The following DNAJC6 variants were observed in gnomAD, a reference collection of about 807,000 sequenced individuals.
DNAJC6 encodes the protein DnaJ heat shock protein family (Hsp40) member C6.
Under a neutral mutation model 110.0 loss-of-function variants are expected in DNAJC6, and 34 were observed. The observed-to-expected ratio is 0.31, with a 90% confidence interval of 0.24 to 0.41. The LOEUF (loss-of-function observed/expected upper bound fraction) is 0.41. Among genes scored for constraint, DNAJC6 ranks in the 10% least tolerant of loss-of-function variants. The probability of loss-of-function intolerance (pLI) is 1.00; values close to 1 mark genes in which losing one functional copy is unlikely to be tolerated. For missense variants in DNAJC6, 1,031 were observed against 1,207.8 expected (o/e 0.85, Z 2.17); for synonymous variants, 406 against 437.2 (o/e 0.93, Z 0.89).
At chr1:65,307,018 CTATATATATA>C (rs71056097), upstream of DNAJC6, among the ~76,000 whole-genome samples, 2 of 70,702 alleles carry the variant, frequency 2.8e-5, no homozygotes, top group African/African-American at 5.3e-5. Flanking sequence ...CTCTCTCTCT[CTATATATATA>C]TATATATATA....
chr1:65,411,181 A>G (rs1646125455), intron 17 of DNAJC6, 69 bp from the exon 18 acceptor site: 6 of 1,488,988 alleles, frequency 4.0e-6, no homozygotes. Context: ...GGGTTTCTAG[A>G]GTCCTAGTGG....
chr1:65,375,669 G>A (rs907406331), intron 4 of DNAJC6, among the ~76,000 whole-genome samples: 6 of 152,026 alleles, frequency 3.9e-5, no homozygotes, highest in South Asian at 2.1e-4. Context: ...CTCGTGATCC[G>A]CCTGCCTCAG....
chr1:65,317,333 G>A (rs181321388), intron 1 of DNAJC6, among the ~76,000 whole-genome samples: 2 of 152,336 alleles, frequency 1.3e-5, no homozygotes, highest in Admixed American at 6.5e-5. Context: ...GAGTAGCTCA[G>A]TATCTGAGGA....
chr1:65,340,478 A>T (rs1432976803), intron 1 of DNAJC6, among the ~76,000 whole-genome samples: 6 of 152,188 alleles, frequency 3.9e-5, no homozygotes, highest in African/African-American at 1.4e-4. Context: ...TACTCTGTCA[A>T]AAAGAGGTAA....
intron 4 of DNAJC6, among the ~76,000 whole-genome samples, chr1:65,367,858 A>G (rs1477647578): frequency 7.1e-6 from 1 of 140,716 alleles, no homozygotes; most frequent in African/African-American, 2.8e-5. Context: ...TACTTGCCCT[A>G]GAAGAGGAGG....
chr1:65,322,193 C>T (rs545679317), intron 1 of DNAJC6, among the ~76,000 whole-genome samples: 3 of 152,130 alleles, frequency 2.0e-5, no homozygotes, highest in Non-Finnish European at 4.4e-5. Flanking sequence ...TGCATGAAAG[C>T]CAGGCCTCTT....
intron 4 of DNAJC6, among the ~76,000 whole-genome samples, chr1:65,371,161 T>C (rs1267538609): frequency 6.6e-6 from 1 of 152,232 alleles, no homozygotes; most frequent in African/African-American, 2.4e-5. Context: ...GTTATTGTTA[T>C]CAGTCATCAG....
At position 65,415,449 on chromosome 1, in the gene DNAJC6, A is replaced by AC. The variant is rs147509741; in HGVS notation, c.*2424_*2425insC. ...ATTTATACGTAATCACTCCTGCCCC[A>AC]ACACACACACACACACACACACACA... On this transcript the variant is annotated 3_prime_UTR_variant, in exon 19 of 19. Transcript: ENST00000371069. 6.9e-6 allele frequency: 1 copy of AC among 144,420 alleles called. No homozygotes were observed. The highest frequency in any genetic ancestry group is 2.2e-4 in the South Asian group (1 of 4,494). The allele number at this position is 144,420 out of a possible 1,614,324, so 8.9% of individuals were successfully genotyped here.
At chr1:65,324,853 A>G (rs1413904373) in intron 1 of DNAJC6, among the ~76,000 whole-genome samples, 4 of 152,220 alleles carry the variant, frequency 2.6e-5, no homozygotes, top group African/African-American at 9.6e-5. Context: ...AACATGCTAC[A>G]GTGTACAAAA....
At chr1:65,311,221 T>TTG (rs1645097075) in intron 1 of DNAJC6, among the ~76,000 whole-genome samples, 1 of 130,676 alleles carries the variant, frequency 7.7e-6, no homozygotes, top group Non-Finnish European at 1.6e-5. Flanking sequence ...GACTGTTTTT[T>TTG]TTTTTTTTTT....
At chr1:65,320,059 A>G (rs1645184107) in intron 1 of DNAJC6, among the ~76,000 whole-genome samples, 1 of 152,176 alleles carries the variant, frequency 6.6e-6, no homozygotes, top group Non-Finnish European at 1.5e-5. Context: ...TGTGGCTCAA[A>G]AGGTGTGAAG....
intron 4 of DNAJC6, among the ~76,000 whole-genome samples, chr1:65,373,532 A>T (rs1436129343): frequency 1.3e-5 from 2 of 151,972 alleles, no homozygotes; most frequent in Non-Finnish European, 2.9e-5. Context: ...CTGATTAGTG[A>T]TGTTGGACAT....
chr1:65,306,758 A>G (rs1472283273), upstream of DNAJC6, among the ~76,000 whole-genome samples: 2 of 151,768 alleles, frequency 1.3e-5, no homozygotes, highest in Non-Finnish European at 1.5e-5. Flanking sequence ...GTGTTTGACC[A>G]GTGCCACCTC....
chr1:65,382,511 G>GT (rs2101594809), intron 5 of DNAJC6, among the ~76,000 whole-genome samples: 1 of 152,270 alleles, frequency 6.6e-6, no homozygotes, highest in Admixed American at 6.5e-5. Flanking sequence ...GTTCTTGTAG[G>GT]TTGGTCACTT....
chr1:65,298,609 C>T (rs536483855), intron 1 of DNAJC6: 6 of 151,426 alleles, frequency 4.0e-5, no homozygotes, highest in Admixed American at 6.6e-5. Flanking sequence ...TTTTTTTAAC[C>T]GTTCAAAGTG....
intron 6 of DNAJC6, among the ~76,000 whole-genome samples, chr1:65,385,360 T>C (rs77560923): frequency 0.012 from 1,836 of 152,260 alleles, 7 homozygotes; most frequent in African/African-American, 0.042. Context: ...AAAGTGCTTC[T>C]GATGATAAAA....
chr1:65,364,580 G>A (rs983302144), intron 1 of DNAJC6, 55 bp from the exon 2 acceptor site: 80 of 1,559,586 alleles, frequency 5.1e-5, no homozygotes, highest in South Asian at 9.5e-5. Context: ...TTGGTTTTCC[G>A]TGGATTCTCT....
At chr1:65,393,164 T>G (rs1340640422) in intron 12 of DNAJC6, among the ~76,000 whole-genome samples, 1 of 152,214 alleles carries the variant, frequency 6.6e-6, no homozygotes, top group Non-Finnish European at 1.5e-5. Context: ...ACATACTGAT[T>G]GATGAATTAT....
intron 1 of DNAJC6, among the ~76,000 whole-genome samples, chr1:65,278,712 G>A (rs571415794): frequency 1.3e-5 from 2 of 152,330 alleles, no homozygotes; most frequent in East Asian, 3.9e-4. Context: ...CTCTGATCAA[G>A]TTCAGCCTCT....
Sources: gnomAD v4.1 joint callset for allele counts (sites outside exome capture counted in the v4.1 genomes callset) on GRCh38, gnomAD v4.1.1 for gene constraint, MANE v1.5 for transcripts, NCBI Gene and HGNC (gene_info 2026-07-23, HGNC 2026-07-21) for gene names.